The following LRP1B variants were observed in gnomAD, a reference collection of about 807,000 sequenced individuals.
The protein encoded by LRP1B is LDL receptor related protein 1B.
Under a neutral mutation model 556.6 loss-of-function variants are expected in LRP1B, and 217 were observed. The observed-to-expected ratio is 0.39, with a 90% CI of 0.35 to 0.44. LRP1B has a LOEUF of 0.44. LRP1B is among the 20% of genes least tolerant of loss of function. The probability of loss-of-function intolerance (pLI) is 1.00; values close to 1 mark genes in which losing one functional copy is unlikely to be tolerated. For synonymous variants in LRP1B, 2,047 were observed against 1,865.8 expected (o/e 1.10, Z -2.50); for missense variants, 5,053 against 5,620.8 (o/e 0.90, Z 3.23).
At chr2:140,362,964 T>C (rs1682587425) in intron 72 of LRP1B, among the ~76,000 whole-genome samples, 1 of 151,530 alleles carries the variant, frequency 6.6e-6, no homozygotes. Flanking sequence ...AAATGTCTAT[T>C]GAATGAATGA....
chr2:140,679,896 GGTTT>G (rs1173298162), intron 41 of LRP1B, among the ~76,000 whole-genome samples: 9 of 148,500 alleles, frequency 6.1e-5, no homozygotes, highest in African/African-American at 1.7e-4. Context: ...CTTTTTATGA[GGTTT>G]GTTTATTTAT....
intron 2 of LRP1B, among the ~76,000 whole-genome samples, chr2:141,614,365 T>C (rs1050146807): frequency 6.6e-6 from 1 of 152,196 alleles, no homozygotes; most frequent in African/African-American, 2.4e-5. Flanking sequence ...CATCACCATC[T>C]ATAATATGCC....
intron 1 of LRP1B, among the ~76,000 whole-genome samples, chr2:141,972,919 G>A (rs891144126): frequency 2.0e-5 from 3 of 151,408 alleles, no homozygotes; most frequent in South Asian, 2.1e-4. Context: ...TACATACATC[G>A]AATCCCCATA....
intron 60 of LRP1B, among the ~76,000 whole-genome samples, chr2:140,459,888 T>C (rs1687247980): frequency 6.6e-6 from 1 of 152,188 alleles, no homozygotes; most frequent in South Asian, 2.1e-4. Context: ...TCTCTCCTGC[T>C]GCCATGTGAA....
intron 41 of LRP1B, among the ~76,000 whole-genome samples, chr2:140,650,241 A>T (rs1684628105): frequency 6.6e-6 from 1 of 151,682 alleles, no homozygotes; most frequent in African/African-American, 2.4e-5. Flanking sequence ...TTAATCAGAA[A>T]ATTTAAAAGA....
At chr2:141,535,531 C>A (rs1244253322) in intron 2 of LRP1B, among the ~76,000 whole-genome samples, 1 of 143,326 alleles carries the variant, frequency 7.0e-6, no homozygotes, top group Non-Finnish European at 1.5e-5. Flanking sequence ...GAAATTGAAG[C>A]AATGGTATAA....
At chr2:141,344,324 T>C (rs937577217) in intron 3 of LRP1B, among the ~76,000 whole-genome samples, 18 of 152,206 alleles carry the variant, frequency 1.2e-4, no homozygotes, top group African/African-American at 4.3e-4. Flanking sequence ...GGTCCTGTTA[T>C]CATTCTGAAC....
intron 2 of LRP1B, among the ~76,000 whole-genome samples, chr2:141,609,098 A>G (rs892806579): frequency 6.6e-6 from 1 of 152,212 alleles, no homozygotes; most frequent in African/African-American, 2.4e-5. Context: ...CATTTTTAAA[A>G]ATCCACTAAT....
At chr2:141,365,259 T>G (rs559236201) in intron 3 of LRP1B, among the ~76,000 whole-genome samples, 5 of 152,152 alleles carry the variant, frequency 3.3e-5, no homozygotes, top group Non-Finnish European at 7.4e-5. Context: ...AGCTAGGGTA[T>G]CTATGTGTTT....
intron 11 of LRP1B, among the ~76,000 whole-genome samples, chr2:141,024,101 G>C (rs1321342789): frequency 6.6e-6 from 1 of 151,908 alleles, no homozygotes; most frequent in Non-Finnish European, 1.5e-5. Context: ...ATGGTCTGAG[G>C]CCATAAATAG....
chr2:141,380,689 G>A (rs1163211855), intron 3 of LRP1B, among the ~76,000 whole-genome samples: 1 of 152,208 alleles, frequency 6.6e-6, no homozygotes, highest in Non-Finnish European at 1.5e-5. Context: ...TGCAGAGGAA[G>A]TGGGTGATAA....
At chr2:142,074,446 G>A (rs1251525258) in intron 1 of LRP1B, among the ~76,000 whole-genome samples, 2 of 151,930 alleles carry the variant, frequency 1.3e-5, no homozygotes, top group Non-Finnish European at 2.9e-5. Context: ...TTCTTCTTCT[G>A]GAAGATAGAA....
intron 2 of LRP1B, among the ~76,000 whole-genome samples, chr2:141,730,874 C>A (rs1018649018): frequency 3.3e-5 from 5 of 152,142 alleles, no homozygotes; most frequent in Non-Finnish European, 7.4e-5. Context: ...ATTTGGGGAA[C>A]CCCACAGTTT....
rs147497733 is a variant in LRP1B at position 141,942,816 on chromosome 2, T to C, written c.83-132415A>G. On this transcript the variant is annotated intron_variant, in intron 1 of 90. Transcript: ENST00000389484. ...GCTGTAAGCAGACGAGGAGACCATA[T>C]ATCTCCTACAGGGGAATGCCTTGCT... 9.9e-5 allele frequency among the ~76,000 whole-genome samples: 15 copies of C among 152,280 alleles called. No individual in the cohort carries two copies. In the East Asian group the frequency reaches 2.9e-3, roughly 29 times the overall value.
intron 7 of LRP1B, among the ~76,000 whole-genome samples, chr2:141,186,094 A>AAAC (rs1315276928): frequency 6.6e-6 from 1 of 151,140 alleles, no homozygotes; most frequent in East Asian, 1.9e-4. Context: ...AAAAAAAAAA[A>AAAC]AAAAACCAGT....
chr2:140,623,948 T>TATGTATATATATA (rs1272003563), intron 41 of LRP1B, among the ~76,000 whole-genome samples: 1 of 17,496 alleles, frequency 5.7e-5, no homozygotes, highest in Non-Finnish European at 1.2e-4. Context: ...ATATTATATT[T>TATGTATATATATA]TATTTATGTA....
intron 3 of LRP1B, among the ~76,000 whole-genome samples, chr2:141,292,291 A>T (rs1686002564): frequency 1.3e-5 from 2 of 152,104 alleles, no homozygotes; most frequent in South Asian, 4.1e-4. Context: ...AGGTACCAAA[A>T]ATGTTGGGGA....
intron 7 of LRP1B, among the ~76,000 whole-genome samples, chr2:141,128,746 G>C (rs1403595889): frequency 3.3e-5 from 5 of 152,014 alleles, no homozygotes; most frequent in African/African-American, 1.2e-4. Context: ...TCAGCCTCCC[G>C]AGTAGCTGGG....
At chr2:141,343,775 T>C (rs1386995776) in intron 3 of LRP1B, among the ~76,000 whole-genome samples, 1 of 152,218 alleles carries the variant, frequency 6.6e-6, no homozygotes, top group African/African-American at 2.4e-5. Flanking sequence ...CCTAGCCTTG[T>C]ATAGTTTTCT....
Sources: gnomAD v4.1 joint callset for allele counts (sites outside exome capture counted in the v4.1 genomes callset) on GRCh38, gnomAD v4.1.1 for gene constraint, MANE v1.5 for transcripts, NCBI Gene and HGNC (gene_info 2026-07-23, HGNC 2026-07-21) for gene names.